SLIT2: variants seen among roughly 807,000 people sequenced by gnomAD.
SLIT2 encodes the protein slit homolog 2 protein.
In SLIT2, 41 loss-of-function variants were observed where a neutral mutation model predicts 185.7. The observed-to-expected ratio is 0.22, with a 90% confidence interval of 0.17 to 0.29. SLIT2 has a LOEUF of 0.29. SLIT2 is among the 10% of genes least tolerant of loss of function. The probability of loss-of-function intolerance (pLI) is 1.00; values close to 1 mark genes in which losing one functional copy is unlikely to be tolerated. For synonymous variants in SLIT2, 693 were observed against 680.2 expected (o/e 1.02, Z -0.29); for missense variants, 1,571 against 1,909.0 (o/e 0.82, Z 3.30).
At chr4:20,287,473 T>C (rs1715370143) in intron 4 of SLIT2, among the ~76,000 whole-genome samples, 1 of 152,216 alleles carries the variant, frequency 6.6e-6, no homozygotes, top group Admixed American at 6.5e-5. Context: ...GGATGTCTTA[T>C]ACATCTCAAA....
intron 29 of SLIT2, among the ~76,000 whole-genome samples, chr4:20,585,864 C>T (rs1461360870): frequency 6.6e-6 from 1 of 152,146 alleles, no homozygotes; most frequent in Non-Finnish European, 1.5e-5. Flanking sequence ...TCTGACTACA[C>T]TTAAAATAAA....
chr4:20,602,104 C>T (rs1178139623), intron 33 of SLIT2, among the ~76,000 whole-genome samples: 1 of 152,020 alleles, frequency 6.6e-6, no homozygotes, highest in Non-Finnish European at 1.5e-5. Flanking sequence ...TTTTATATGT[C>T]AACTATTGTT....
chr4:20,272,753 A>T (rs1713759336), intron 4 of SLIT2, among the ~76,000 whole-genome samples: 1 of 152,190 alleles, frequency 6.6e-6, no homozygotes, highest in Admixed American at 6.6e-5. Context: ...CTGCCAAACC[A>T]AACCAAAACT....
chr4:20,534,249 GTTTTTT>G (rs954171139), intron 18 of SLIT2, among the ~76,000 whole-genome samples: 1 of 152,138 alleles, frequency 6.6e-6, no homozygotes, highest in African/African-American at 2.4e-5. Context: ...GGAGACTACT[GTTTTTT>G]GCCCCTGCAA....
In SLIT2 at chr4:20,355,885, A is replaced by G. The variant is rs1305691556; in HGVS notation, c.395+87004A>G. Among the ~76,000 whole-genome samples, 7 of 152,150 alleles carry G rather than the reference A, an allele frequency of 4.6e-5. No homozygotes were observed. The South Asian group carries it at 1.0e-3, about 23-fold the overall frequency. On this transcript the variant is annotated intron_variant, in intron 4 of 36. Transcript: ENST00000504154. ...GAGATAGCAGTTTACTACTACTACT[A>G]TTATTATTAGGTCATCTAATGTAAT... is the stretch of plus-strand genomic sequence containing the variant.
Position 20,523,916 on chromosome 4 carries a change from G to A in SLIT2, c.1274+13G>A, listed in dbSNP as rs1165437566. The A allele has an allele frequency of 3.1e-6, 5 of 1,613,692 alleles. No individual in the cohort carries two copies. Among genetic ancestry groups the A allele is most frequent in the Non-Finnish European group, 4.2e-6 (5 of 1,179,830 alleles). On this transcript the variant is annotated intron_variant, in intron 13 of 36. Transcript: ENST00000504154. ...CCATTCAAACTATGTATGTATAAGT[G>A]ATTTGGATCACTTTTGATGACATTG...
chr4:20,473,327 A>G (rs574256570), intron 5 of SLIT2, among the ~76,000 whole-genome samples: 10 of 152,098 alleles, frequency 6.6e-5, no homozygotes, highest in South Asian at 6.2e-4. Context: ...AAATATTTGT[A>G]TTTATCCTTT....
intron 4 of SLIT2, among the ~76,000 whole-genome samples, chr4:20,411,023 A>C (rs957838123): frequency 6.6e-6 from 1 of 152,050 alleles, no homozygotes; most frequent in Non-Finnish European, 1.5e-5. Flanking sequence ...CATTTTCATG[A>C]TATTGATTCT....
At chr4:20,445,419 T>C (rs1480080486) in intron 4 of SLIT2, among the ~76,000 whole-genome samples, 1 of 152,222 alleles carries the variant, frequency 6.6e-6, no homozygotes, top group Non-Finnish European at 1.5e-5. Flanking sequence ...GGATGCTCAT[T>C]AAAGAAGACG....
rs1717021315 is a variant in SLIT2 at position 20,484,546 on chromosome 4, G to C, written c.540-1654G>C. Among the ~76,000 whole-genome samples, 1 of 151,974 alleles carries C rather than the reference G, an allele frequency of 6.6e-6. No homozygotes were observed. Among genetic ancestry groups the C allele is most frequent in the Non-Finnish European group, 1.5e-5 (1 of 67,990 alleles). ...TAAAGAGGGTCCATGCATGATCTGGGTCTCTAGCTGACATGCCCTGTTTTA... is the reference window on the plus strand; with the variant it reads ...TAAAGAGGGTCCATGCATGATCTGGCTCTCTAGCTGACATGCCCTGTTTTA... On this transcript the variant is annotated intron_variant, in intron 6 of 36. Transcript: ENST00000504154. The surrounding 1 kb of genome is among the most constrained non-coding windows in gnomAD (Gnocchi z 4.3).
intron 4 of SLIT2, among the ~76,000 whole-genome samples, chr4:20,460,653 T>C (rs1383890881): frequency 2.6e-5 from 4 of 152,186 alleles, no homozygotes; most frequent in Non-Finnish European, 5.9e-5. Context: ...CCCCAGCCGC[T>C]GGTAGGCACC....
chr4:20,506,821 G>C (rs1299116013), intron 9 of SLIT2, among the ~76,000 whole-genome samples: 1 of 151,950 alleles, frequency 6.6e-6, no homozygotes, highest in East Asian at 1.9e-4. Flanking sequence ...TTTCCTGCTT[G>C]AGAATCTGTC....
At chr4:20,614,636 G>A (rs889940717) in intron 34 of SLIT2, among the ~76,000 whole-genome samples, 3 of 151,956 alleles carry the variant, frequency 2.0e-5, no homozygotes, top group African/African-American at 7.3e-5. Flanking sequence ...AATAAGCCAG[G>A]CGTGGTGGTG....
At chr4:20,452,239 C>T (rs1410064628) in intron 4 of SLIT2, among the ~76,000 whole-genome samples, 1 of 152,154 alleles carries the variant, frequency 6.6e-6, no homozygotes, top group African/African-American at 2.4e-5. Context: ...TTCCTGAGGG[C>T]AGGGACTTTG....
Position 20,398,842 on chromosome 4 carries a change from G to T in SLIT2, c.396-68910G>T, listed in dbSNP as rs192379619. Among the ~76,000 whole-genome samples the T allele has an allele frequency of 5.9e-5, 9 of 151,698 alleles. No homozygotes were observed. The South Asian group carries it at 1.0e-3, about 18-fold the overall frequency. On this transcript the variant is annotated intron_variant, in intron 4 of 36. Coordinates refer to ENST00000504154, the MANE Select transcript of SLIT2 (RefSeq NM_004787.4). ...AACATTTGTGATATATTTTAACTCTGTATTTAGCTCCGTCAATAATGTCTA... is the reference window on the plus strand; with the variant it reads ...AACATTTGTGATATATTTTAACTCTTTATTTAGCTCCGTCAATAATGTCTA...
chr4:20,340,170 G>A (rs1720847336), intron 4 of SLIT2, among the ~76,000 whole-genome samples: 1 of 152,172 alleles, frequency 6.6e-6, no homozygotes, highest in Admixed American at 6.5e-5. Flanking sequence ...ATACAGGCAT[G>A]AAATGTGAAA....
chr4:20,412,673 T>C (rs1320351422), intron 4 of SLIT2, among the ~76,000 whole-genome samples: 2 of 152,106 alleles, frequency 1.3e-5, no homozygotes, highest in African/African-American at 2.4e-5. Context: ...TTTATTGATA[T>C]GGAATTCATA....
intron 4 of SLIT2, among the ~76,000 whole-genome samples, chr4:20,343,888 G>A (rs1162669720): frequency 6.6e-6 from 1 of 150,536 alleles, no homozygotes; most frequent in Non-Finnish European, 1.5e-5. Context: ...GTCTCGCTCT[G>A]TTGTCAGGCT....
intron 33 of SLIT2, among the ~76,000 whole-genome samples, chr4:20,609,511 C>T (rs1729045864): frequency 6.6e-6 from 1 of 152,160 alleles, no homozygotes. Context: ...AGTTGTTTCT[C>T]CTTGCATTTG....
Sources: gnomAD v4.1 joint callset for allele counts (sites outside exome capture counted in the v4.1 genomes callset) on GRCh38, gnomAD v4.1.1 for gene constraint, Gnocchi (gnomAD v3.1) non-coding constraint, MANE v1.5 for transcripts, NCBI Gene and HGNC (gene_info 2026-07-23, HGNC 2026-07-21) for gene names.